ZBTB16: variants seen among roughly 807,000 people sequenced by gnomAD.
The protein encoded by ZBTB16 is zinc finger and BTB domain-containing protein 16.
ZBTB16 carries 8 observed loss-of-function variants against 56.8 expected under a neutral mutation model. That is an observed-to-expected ratio of 0.14 (90% confidence interval 0.08 to 0.25). The LOEUF (loss-of-function observed/expected upper bound fraction) is 0.25. Ranked by LOEUF, ZBTB16 falls within the 10% of genes least tolerant of loss-of-function variation. The probability of loss-of-function intolerance (pLI) is 1.00; values close to 1 mark genes in which losing one functional copy is unlikely to be tolerated. For missense variants in ZBTB16, 625 were observed against 903.0 expected (o/e 0.69, Z 3.95); for synonymous variants, 363 against 368.5 (o/e 0.98, Z 0.17).
At chr11:114,101,271 C>G (rs1181215776) in intron 2 of ZBTB16, among the ~76,000 whole-genome samples, 1 of 152,114 alleles carries the variant, frequency 6.6e-6, no homozygotes, top group East Asian at 1.9e-4. Context: ...TCTTAAAGTG[C>G]TGGGATTACA....
intron 2 of ZBTB16, among the ~76,000 whole-genome samples, chr11:114,137,177 T>C (rs937724711): frequency 6.6e-6 from 1 of 152,206 alleles, no homozygotes; most frequent in South Asian, 2.1e-4. Flanking sequence ...CAGTGACCTT[T>C]GGAGTACATT....
intron 2 of ZBTB16, among the ~76,000 whole-genome samples, chr11:114,107,924 T>C (rs1565629407): frequency 6.6e-6 from 1 of 152,036 alleles, no homozygotes; most frequent in Non-Finnish European, 1.5e-5. Context: ...ACTTTTTTTT[T>C]TTTAAAGCCT....
At position 114,253,944 on chromosome 11, in the gene ZBTB16, T is replaced by C. The variant is rs1944958085; in HGVS notation, c.*3389T>C. ...TCGGCCCCCTGGCTGCCTTTAGCTG[T>C]GGTACTGCTGACAACCCTGCTTGCT... On this transcript the variant is annotated 3_prime_UTR_variant, in exon 7 of 7. Transcript: ENST00000335953. Among the ~76,000 whole-genome samples the C allele has an allele frequency of 6.6e-6, 1 of 152,138 alleles. No individual in the cohort carries two copies. Among genetic ancestry groups the C allele is most frequent in the Non-Finnish European group, 1.5e-5 (1 of 68,022 alleles).
intron 2 of ZBTB16, among the ~76,000 whole-genome samples, chr11:114,085,426 G>A (rs1162216410): frequency 7.9e-5 from 12 of 152,180 alleles, no homozygotes; most frequent in Admixed American, 7.2e-4. Context: ...TGCTATGGGG[G>A]TAATGCAGAG....
intron 2 of ZBTB16, among the ~76,000 whole-genome samples, chr11:114,132,861 C>T (rs949215720): frequency 6.6e-6 from 1 of 152,032 alleles, no homozygotes; most frequent in African/African-American, 2.4e-5. Context: ...AGTATAGACT[C>T]TGAGGGGGTC....
chr11:114,143,373 T>C lies in ZBTB16; in HGVS notation c.1269-12964T>C, dbSNP rs1349687799. Among the ~76,000 whole-genome samples the C allele has an allele frequency of 6.6e-6, 1 of 151,504 alleles. No individual in the cohort carries two copies. The highest frequency in any genetic ancestry group is 2.4e-5 in the African/African-American group (1 of 41,118). On this transcript the variant is annotated intron_variant, in intron 2 of 6. Transcript: ENST00000335953. The surrounding 1 kb of genome is among the most constrained non-coding windows in gnomAD (Gnocchi z 6.4). ...AGAGAAACAAGCAGATGCACCCTAG[T>C]GAGTACATCTGCTCCAACAGAAACA...
intron 2 of ZBTB16, among the ~76,000 whole-genome samples, chr11:114,133,503 A>G (rs1941719074): frequency 6.6e-6 from 1 of 152,196 alleles, no homozygotes; most frequent in African/African-American, 2.4e-5. Flanking sequence ...TTTGAGGTCC[A>G]ACAGGCCCCT....
intron 4 of ZBTB16, among the ~76,000 whole-genome samples, chr11:114,219,609 T>C (rs1944182882): frequency 6.6e-6 from 1 of 151,674 alleles, no homozygotes; most frequent in Non-Finnish European, 1.5e-5. Context: ...GTGAGGGAGA[T>C]AAAAGTTGAT....
intron 2 of ZBTB16, among the ~76,000 whole-genome samples, chr11:114,124,432 C>T (rs906139837): frequency 6.6e-6 from 1 of 151,782 alleles, no homozygotes; most frequent in South Asian, 2.1e-4. Context: ...TTTCGCCAAC[C>T]CCCTACCAAA....
chr11:114,248,644 G>A (rs972364032), intron 6 of ZBTB16, among the ~76,000 whole-genome samples: 10 of 152,188 alleles, frequency 6.6e-5, no homozygotes, highest in Admixed American at 2.0e-4. Flanking sequence ...AGGAGAGTAC[G>A]TTGCCCTTGG....
At position 114,078,940 on chromosome 11, in the gene ZBTB16, T is replaced by C. The variant is rs571667965; in HGVS notation, c.1268+14372T>C. Among the ~76,000 whole-genome samples the C allele has an allele frequency of 2.3e-3, 347 of 151,734 alleles. 1 individual carries two copies. The highest frequency in any genetic ancestry group is 3.7e-3 in the Admixed American group (56 of 15,242). On this transcript the variant is annotated intron_variant, in intron 2 of 6. Coordinates refer to ENST00000335953, the MANE Select transcript of ZBTB16 (RefSeq NM_006006.6). ...GGTGGCAGGTGCCTGTAATCCCAGCTAGTCGGGGGAGGCTGAGGCAGGAAA... is the reference window on the plus strand; with the variant it reads ...GGTGGCAGGTGCCTGTAATCCCAGCCAGTCGGGGGAGGCTGAGGCAGGAAA...
chr11:114,156,017 G>A (rs1328848317), intron 2 of ZBTB16, among the ~76,000 whole-genome samples: 3 of 152,198 alleles, frequency 2.0e-5, no homozygotes, highest in East Asian at 1.9e-4. Flanking sequence ...TTGACAGTGA[G>A]CATTATGTCT....
rs142099086 is a variant in ZBTB16 at position 114,167,906 on chromosome 11, G to A, written c.1366+11472G>A. On this transcript the variant is annotated intron_variant, in intron 3 of 6. Transcript: ENST00000335953. ...ATGCTAGGCCTGGTGCCCGACCGGC[G>A]AGCGTTCCTTTTTCTCTTCTCTTTT... 5.5e-4 allele frequency among the ~76,000 whole-genome samples: 83 copies of A among 152,282 alleles called. 2 individuals are homozygous for A. The East Asian group carries it at 0.016, about 28-fold the overall frequency.
intron 4 of ZBTB16, among the ~76,000 whole-genome samples, chr11:114,235,651 T>A (rs1390724134): frequency 1.8e-4 from 4 of 22,828 alleles, no homozygotes; most frequent in Admixed American, 1.6e-3. Flanking sequence ...TCTTTCTTTC[T>A]TTCTTTCTTT....
intron 3 of ZBTB16, among the ~76,000 whole-genome samples, chr11:114,182,396 C>A (rs1943270288): frequency 6.6e-6 from 1 of 152,114 alleles, no homozygotes; most frequent in African/African-American, 2.4e-5. Context: ...CACCACCTGG[C>A]CTGTTTTGTA....
chr11:114,093,341 G>GT (rs1418344374), intron 2 of ZBTB16, among the ~76,000 whole-genome samples: 1 of 151,856 alleles, frequency 6.6e-6, no homozygotes, highest in African/African-American at 2.4e-5. Flanking sequence ...GGGGTGTGGA[G>GT]GGGGGATGTT....
intron 2 of ZBTB16, among the ~76,000 whole-genome samples, chr11:114,073,772 G>C (rs1039580966): frequency 6.6e-6 from 1 of 152,166 alleles, no homozygotes; most frequent in Non-Finnish European, 1.5e-5. Context: ...ATGAAGGGGG[G>C]ACATTCTGGG....
At chr11:114,122,504 A>C (rs1038625660) in intron 2 of ZBTB16, among the ~76,000 whole-genome samples, 6 of 152,194 alleles carry the variant, frequency 3.9e-5, no homozygotes, top group African/African-American at 1.4e-4. Flanking sequence ...TGCCAGCCTA[A>C]GTTAAACAAG....
intron 4 of ZBTB16, among the ~76,000 whole-genome samples, chr11:114,205,804 A>G (rs1445963770): frequency 6.6e-6 from 1 of 152,228 alleles, no homozygotes; most frequent in Non-Finnish European, 1.5e-5. Context: ...ACAGGAATTG[A>G]CAAGGGGGAG....
Sources: allele counts gnomAD v4.1 joint callset (sites outside exome capture counted in the v4.1 genomes callset), GRCh38; gene constraint gnomAD v4.1.1; non-coding constraint Gnocchi (gnomAD v3.1); transcripts MANE v1.5; gene names NCBI Gene and HGNC (gene_info 2026-07-23, HGNC 2026-07-21).